ASAP1: variants seen among roughly 807,000 people sequenced by gnomAD.
ASAP1 encodes arf-GAP with SH3 domain, ANK repeat and PH domain-containing protein 1.
A neutral mutation model predicts 145.2 loss-of-function variants in ASAP1; 43 were observed. That is an observed-to-expected ratio of 0.30 (90% CI 0.23 to 0.38). The LOEUF (loss-of-function observed/expected upper bound fraction) is 0.38, where lower values mean the gene tolerates loss of function less well. Ranked by LOEUF, ASAP1 falls within the 10% of genes least tolerant of loss-of-function variation. ASAP1 has a pLI of 1.00. For synonymous variants in ASAP1, 546 were observed against 515.5 expected, an observed-to-expected ratio of 1.06 and a Z score of -0.80; for missense variants, 1,018 against 1,355.3, an observed-to-expected ratio of 0.75 and a Z score of 3.91.
At chr8:130,222,243 G>A (rs1817335020) in intron 4 of ASAP1, among the ~76,000 whole-genome samples, 1 of 150,916 alleles carries the variant, frequency 6.6e-6, no homozygotes, top group Admixed American at 6.6e-5. Flanking sequence ...CTCCCTGAGG[G>A]GTTTATCTAA....
chr8:130,165,534 G>C (rs188337692), intron 11 of ASAP1, among the ~76,000 whole-genome samples: 1 of 152,200 alleles, frequency 6.6e-6, no homozygotes, highest in Non-Finnish European at 1.5e-5. Flanking sequence ...CTGTGCTTCA[G>C]TCTGAAGTCT....
intron 3 of ASAP1, among the ~76,000 whole-genome samples, chr8:130,257,943 G>A (rs965253583): frequency 1.3e-5 from 2 of 152,114 alleles, no homozygotes; most frequent in Admixed American, 1.3e-4. Context: ...AACCTGCCAT[G>A]GGTGTTTTAC....
At chr8:130,409,032 C>T (rs573672799) in intron 1 of ASAP1, among the ~76,000 whole-genome samples, 5 of 152,118 alleles carry the variant, frequency 3.3e-5, no homozygotes, top group Admixed American at 6.5e-5. Context: ...GAGGCCAAGG[C>T]GGGTGGATTA....
intron 2 of ASAP1, chr8:130,386,531 C>T (rs777168923): frequency 1.3e-5 from 2 of 152,264 alleles, no homozygotes; most frequent in Admixed American, 6.5e-5. Flanking sequence ...CTGCGCTCTC[C>T]ACCCTGTAGA....
At chr8:130,410,697 G>T (rs1168762007) in intron 1 of ASAP1, among the ~76,000 whole-genome samples, 3 of 152,208 alleles carry the variant, frequency 2.0e-5, no homozygotes, top group African/African-American at 7.2e-5. Flanking sequence ...AGAGCCATCT[G>T]GGCAGCTGCC....
intron 3 of ASAP1, among the ~76,000 whole-genome samples, chr8:130,308,904 C>T (rs926177536): frequency 2.0e-5 from 3 of 151,904 alleles, no homozygotes; most frequent in Non-Finnish European, 2.9e-5. Flanking sequence ...TAGCTGGGCA[C>T]GGTGGTGTGC....
chr8:130,276,706 ACACACACACACACACACACACACT>A (rs1216779684), intron 3 of ASAP1, among the ~76,000 whole-genome samples: 15 of 125,606 alleles, frequency 1.2e-4, no homozygotes, highest in Non-Finnish European at 1.8e-4. Flanking sequence ...ACACACACAC[ACACACACACACACACACACACACT>A]CTCTCTCTCT....
intron 2 of ASAP1, among the ~76,000 whole-genome samples, chr8:130,362,861 A>G (rs993946560): frequency 2.0e-5 from 3 of 152,236 alleles, no homozygotes; most frequent in Non-Finnish European, 2.9e-5. Flanking sequence ...CTAAAATAAA[A>G]TAAAATAGCC....
At chr8:130,183,288 A>T (rs1814494266) in intron 7 of ASAP1, among the ~76,000 whole-genome samples, 1 of 152,152 alleles carries the variant, frequency 6.6e-6, no homozygotes, top group Non-Finnish European at 1.5e-5. Context: ...CAATACTGGA[A>T]AGTAGAAAAC....
chr8:130,374,518 A>G (rs1827387485), intron 2 of ASAP1, among the ~76,000 whole-genome samples: 1 of 152,204 alleles, frequency 6.6e-6, no homozygotes, highest in South Asian at 2.1e-4. Context: ...GCACTTTGGG[A>G]GGCCGAGGCA....
At chr8:130,162,648 C>T (rs1311483703) in intron 11 of ASAP1, among the ~76,000 whole-genome samples, 1 of 146,712 alleles carries the variant, frequency 6.8e-6, no homozygotes, top group Non-Finnish European at 1.5e-5. Context: ...GAAACCCCGT[C>T]TCTACTAAAA....
intron 3 of ASAP1, among the ~76,000 whole-genome samples, chr8:130,253,591 T>C (rs887508073): frequency 6.6e-6 from 1 of 152,192 alleles, no homozygotes; most frequent in Non-Finnish European, 1.5e-5. Context: ...GTCGGTCTAC[T>C]GTGGTGTGGG....
At chr8:130,300,184 A>AGCGAGCGAGC (rs1554876474) in intron 3 of ASAP1, among the ~76,000 whole-genome samples, 7 of 140,364 alleles carry the variant, frequency 5.0e-5, no homozygotes, top group African/African-American at 1.9e-4. Context: ...AGAGAGAGAG[A>AGCGAGCGAGC]GAGCGAGCGA....
intron 15 of ASAP1, among the ~76,000 whole-genome samples, chr8:130,133,192 C>T (rs1037389794): frequency 6.6e-6 from 1 of 151,294 alleles, no homozygotes; most frequent in Non-Finnish European, 1.5e-5. Flanking sequence ...TTAACAAAAA[C>T]ATCCCTCTCC....
At chr8:130,434,052 A>T (rs1830224747) in intron 1 of ASAP1, among the ~76,000 whole-genome samples, 1 of 152,254 alleles carries the variant, frequency 6.6e-6, no homozygotes. Context: ...ATGGTGGCTC[A>T]CACCTGCAAT....
At chr8:130,279,885 C>A (rs6998031) in intron 3 of ASAP1, among the ~76,000 whole-genome samples, 3,955 of 152,206 alleles carry the variant, frequency 0.026, 61 homozygotes, top group Middle Eastern at 0.044. Context: ...TCTCTTGAAC[C>A]AATAATCAAT....
intron 5 of ASAP1, among the ~76,000 whole-genome samples, chr8:130,202,231 A>G (rs2136321020): frequency 6.6e-6 from 1 of 152,312 alleles, no homozygotes; most frequent in African/African-American, 2.4e-5. Flanking sequence ...CCCTTGCAGA[A>G]AAGGAATCTT....
intron 23 of ASAP1, among the ~76,000 whole-genome samples, chr8:130,113,634 T>C (rs1592831293): frequency 1.4e-5 from 2 of 146,358 alleles, no homozygotes; most frequent in East Asian, 4.9e-4. Context: ...GGTAGTTAAC[T>C]GCTTATAAGG....
intron 1 of ASAP1, among the ~76,000 whole-genome samples, chr8:130,434,507 G>T (rs1344457757): frequency 2.0e-5 from 3 of 152,186 alleles, no homozygotes; most frequent in African/African-American, 7.2e-5. Flanking sequence ...GCTTACAACA[G>T]TAATGACACA....
Sources: gnomAD v4.1 joint callset for allele counts (sites outside exome capture counted in the v4.1 genomes callset) on GRCh38, gnomAD v4.1.1 for gene constraint, MANE v1.5 for transcripts, NCBI Gene and HGNC (gene_info 2026-07-23, HGNC 2026-07-21) for gene names.